PIF1: variants seen among roughly 807,000 people sequenced by gnomAD.
PIF1 encodes the protein ATP-dependent DNA helicase PIF1.
PIF1 carries 67 observed loss-of-function variants against 62.3 expected under a neutral mutation model. The observed-to-expected ratio is 1.08, with a 90% CI of 0.88 to 1.32. The LOEUF (loss-of-function observed/expected upper bound fraction) is 1.32. Ranked by LOEUF, PIF1 falls within the 40% of genes most tolerant of loss-of-function variation. The pLI is 0.00. For synonymous variants in PIF1, 364 were observed against 379.5 expected, an observed-to-expected ratio of 0.96 and a Z score of 0.47; for missense variants, 886 against 866.1, an observed-to-expected ratio of 1.02 and a Z score of -0.29.
upstream of PIF1, among the ~76,000 whole-genome samples, chr15:64,827,034 G>T (rs1217892528): frequency 6.6e-6 from 1 of 152,118 alleles, no homozygotes; most frequent in Non-Finnish European, 1.5e-5. Flanking sequence ...ACTGCTCCCA[G>T]TCTGTTAGCG....
chr15:64,817,991 C>A lies in PIF1; in HGVS notation c.1629G>T (p.Gln543His), dbSNP rs776659270. The change falls in exon 11 of 13, where the codon CAG (glutamine) becomes CAT (histidine). Residue 543 changes from glutamine (Q) to histidine (H), a missense_variant. By Grantham distance (24) the Gln-to-His change is conservative. Transcript: ENST00000559239. The part of the protein sequence containing the change: ...ATGGQLLSRQ[Q>H]LPLQLAWAMS... ...TCGCCCAGGCCAGCTGGAGGGGCAG[C>A]TGCTGCCGACTGAGGAGCTGGCCCC... is the stretch of plus-strand genomic sequence containing the variant. The A allele has an allele frequency of 2.5e-6, 4 of 1,613,172 alleles. No individual in the cohort carries two copies. Among genetic ancestry groups the A allele is most frequent in the African/African-American group, 2.7e-5 (2 of 75,042 alleles).
chr15:64,823,929 C>A lies in PIF1; in HGVS notation c.407G>T (p.Arg136Leu), dbSNP rs1367363725. Residue 136 changes from arginine (R) to leucine (L), a missense_variant, in exon 2 of 13, where the codon CGA (arginine) becomes CTA (leucine). By Grantham distance (102) the Arg-to-Leu change is moderately radical. Coordinates refer to ENST00000559239, the MANE Select transcript of PIF1 (RefSeq NM_001286496.2). ...GGGCCGCGGGCCCAGCAGCTGCGCTCGGGCGGAGGCCGGCCCGGGACCCGG... is the reference window on the plus strand; with the variant it reads ...GGGCCGCGGGCCCAGCAGCTGCGCTAGGGCGGAGGCCGGCCCGGGACCCGG... Reference protein sequence around the residue: ...AAPGPGPASARAQLLGPRPRD... With the variant: ...AAPGPGPASALAQLLGPRPRD... 2 of 1,319,736 alleles carry A rather than the reference C, an allele frequency of 1.5e-6. No homozygotes were observed. Among genetic ancestry groups the A allele is most frequent in the Non-Finnish European group, 1.9e-6 (2 of 1,028,718 alleles). The allele number at this position is 1,319,736 out of a possible 1,614,324, so 81.8% of individuals were successfully genotyped here. A position where few individuals can be genotyped will look rare whatever the true frequency, so the allele number is the denominator to read the frequency against.
At chr15:64,817,882 T>C (rs1419184654) in intron 11 of PIF1, 64 bp downstream of exon 11, 1 of 1,534,318 alleles carries the variant, frequency 6.5e-7, no homozygotes, top group Non-Finnish European at 8.8e-7. Flanking sequence ...AAAAGACACA[T>C]AGACTGCAAC....
At chr15:64,821,895 A>C in intron 4 of PIF1, 1 of 282,920 alleles carries the variant, frequency 3.5e-6, no homozygotes, top group Middle Eastern at 1.1e-3. Context: ...GCTTGCCACC[A>C]TGCCTGGCTA....
At chr15:64,822,748 C>A in intron 2 of PIF1, 138 bp from the exon 3 acceptor site, 1 of 1,318,460 alleles carries the variant, frequency 7.6e-7, no homozygotes. Flanking sequence ...CTTGGGTTTG[C>A]CTGGAGAGCT....
At position 64,822,345 on chromosome 15, in the gene PIF1, G is replaced by A. The variant is rs1003098786; in HGVS notation, c.738C>T (p.Pro246=). ...YLLKRILGSL[P]PTGTVATAST... Reference sequence around the variant, plus strand: ...TGGCAGTGGCCACAGTGCCTGTGGGGGGCAGTGAGCCCAGGATTCGCTTTA... The same window carrying A: ...TGGCAGTGGCCACAGTGCCTGTGGGAGGCAGTGAGCCCAGGATTCGCTTTA... Residue 246 remains proline, a synonymous_variant, in exon 4 of 13, where the codon CCC becomes CCT. Coordinates refer to ENST00000559239, the MANE Select transcript of PIF1 (RefSeq NM_001286496.2). 1 of 1,614,058 alleles carries A rather than the reference G, an allele frequency of 6.2e-7. No homozygotes were observed.
At chr15:64,818,740 A>G in intron 9 of PIF1, 1 of 295,844 alleles carries the variant, frequency 3.4e-6, no homozygotes, top group East Asian at 8.0e-5. Flanking sequence ...TGGGTGCCCT[A>G]AGGAAAATCT....
chr15:64,818,099 G>A lies in PIF1; in HGVS notation c.1529-8C>T, dbSNP rs971586404. 5.6e-6 allele frequency: 9 copies of A among 1,613,570 alleles called. No homozygotes were observed. The highest frequency in any genetic ancestry group is 7.6e-6 in the Non-Finnish European group (9 of 1,179,850). ...ACCGCACCTGGGGTAGCCCTAAGGA[G>A]AGCATGGAGCAGTCCAACTTTAGCT... On this transcript the variant is annotated splice_region_variant and splice_polypyrimidine_tract_variant and intron_variant, in intron 10 of 12. Coordinates refer to ENST00000559239, the MANE Select transcript of PIF1 (RefSeq NM_001286496.2).
Position 64,817,936 on chromosome 15 carries a change from C to T in PIF1, c.1674+10G>A, listed in dbSNP as rs376626129. The T allele has an allele frequency of 2.6e-5, 42 of 1,606,508 alleles. No individual in the cohort carries two copies. The highest frequency in any genetic ancestry group is 6.7e-5 in the East Asian group (3 of 44,766). The stretch of plus-strand genomic sequence containing the variant: ...CCCTCCCTGTCCCTGCCCCCCACAC[C>T]GGTGCTCACTTGGCTCTTGTGGATG... On this transcript the variant is annotated intron_variant, in intron 11 of 12. Transcript: ENST00000559239.
intron 11 of PIF1, 147 bp from the exon 12 acceptor site, chr15:64,816,912 G>C: frequency 1.4e-6 from 1 of 712,116 alleles, no homozygotes; most frequent in Non-Finnish European, 2.2e-6. Flanking sequence ...CATGACAGCA[G>C]GTGGCTGTCT....
At position 64,819,966 on chromosome 15, in the gene PIF1, C is replaced by G; in HGVS notation, c.1214G>C (p.Arg405Pro). The G allele has an allele frequency of 6.2e-7, 1 of 1,613,838 alleles. No homozygotes were observed. Among genetic ancestry groups the G allele is most frequent in the Non-Finnish European group, 8.5e-7 (1 of 1,179,884 alleles). ...RLGRCSDEVT[R>P]QLQATASHKV... is the part of the protein sequence containing the mutation. ...GTGGGAAGCTGTGGCCTGGAGCTGG[C>G]GGGTCACCTCATCTGAACACCTGTT... is the stretch of plus-strand genomic sequence containing the variant. Residue 405 changes from arginine (R) to proline (P), a missense_variant, in exon 8 of 13, where the codon CGC (arginine) becomes CCC (proline). Transcript: ENST00000559239.
Position 64,818,013 on chromosome 15 carries a change from C to T in PIF1, c.1607G>A (p.Gly536Asp), listed in dbSNP as rs1463582096. 5.0e-6 allele frequency: 8 copies of T among 1,613,036 alleles called. No homozygotes were observed. The South Asian group carries it at 5.5e-5, about 11-fold the overall frequency. Residue 536 changes from glycine (G) to aspartate (D), a missense_variant, in exon 11 of 13, where the codon GGC (glycine) becomes GAC (aspartate). Transcript: ENST00000559239. ...CAGCTGCTGCCGACTGAGGAGCTGGCCCCCGGTGGCCTGCACCGTCCAGCG... is the reference window on the plus strand; with the variant it reads ...CAGCTGCTGCCGACTGAGGAGCTGGTCCCCGGTGGCCTGCACCGTCCAGCG... Reference protein sequence around the residue: ...ADRWTVQATGGQLLSRQQLPL... With the variant: ...ADRWTVQATGDQLLSRQQLPL...
intron 7 of PIF1, among the ~76,000 whole-genome samples, 198 bp from the exon 8 acceptor site, chr15:64,820,184 G>A (rs1454934023): frequency 1.3e-5 from 2 of 152,178 alleles, no homozygotes; most frequent in Non-Finnish European, 2.9e-5. Flanking sequence ...AATAAGCAGG[G>A]GCAGGGTACT....
chr15:64,823,934 G>T lies in PIF1; in HGVS notation c.402C>A (p.Ser134=). Residue 134 remains serine (S), a synonymous_variant, in exon 2 of 13, where the codon TCC becomes TCA. Transcript: ENST00000559239. ...GCGGGCCCAGCAGCTGCGCTCGGGC[G>T]GAGGCCGGCCCGGGACCCGGGGCCG... is the stretch of plus-strand genomic sequence containing the variant. ...LAAAPGPGPA[S]ARAQLLGPRP... 1 of 1,317,998 alleles carries T rather than the reference G, an allele frequency of 7.6e-7. No homozygotes were observed. The highest frequency in any genetic ancestry group is 3.0e-5 in the East Asian group (1 of 33,068). The allele number at this position is 1,317,998 out of a possible 1,614,324, so 81.6% of individuals were successfully genotyped here. A position where few individuals can be genotyped will look rare whatever the true frequency, so the allele number is the denominator to read the frequency against.
In PIF1 at chr15:64,818,084, G is replaced by T; in HGVS notation, c.1536C>A (p.Pro512=). Reference sequence around the variant, plus strand: ...TGACTCCACACAGGAACCGCACCTGGGGTAGCCCTAAGGAGAGCATGGAGC... The same window carrying T: ...TGACTCCACACAGGAACCGCACCTGTGGTAGCCCTAAGGAGAGCATGGAGC... ...VGFEAEGRGL[P]QVRFLCGVTE... Residue 512 remains proline, a synonymous_variant, in exon 11 of 13, where the codon CCC becomes CCA. Coordinates refer to ENST00000559239, the MANE Select transcript of PIF1 (RefSeq NM_001286496.2). 6.2e-7 allele frequency: 1 copy of T among 1,613,862 alleles called. No homozygotes were observed. Among genetic ancestry groups the T allele is most frequent in the Non-Finnish European group, 8.5e-7 (1 of 1,179,928 alleles).
chr15:64,819,162 G>A lies in PIF1; in HGVS notation c.1395C>T (p.Ala465=). 6.2e-7 allele frequency: 1 copy of A among 1,600,510 alleles called. No individual in the cohort carries two copies. The highest frequency in any genetic ancestry group is 8.5e-7 in the Non-Finnish European group (1 of 1,176,226). Residue 465 remains alanine, a synonymous_variant, in exon 9 of 13, where the codon GCC becomes GCT. Transcript: ENST00000559239. Reference sequence around the variant, plus strand: ...GAAGGAGCTGGCTAACAGGACACTGGGCATCCAGGGTACTGGCCAGCTCAG... The same window carrying A: ...GAAGGAGCTGGCTAACAGGACACTGAGCATCCAGGGTACTGGCCAGCTCAG... ...SNPELASTLD[A]QCPVSQLLQL...
intron 9 of PIF1, 32 bp downstream of exon 9, chr15:64,819,085 C>T (rs538534666): frequency 2.2e-5 from 33 of 1,521,014 alleles, no homozygotes; most frequent in East Asian, 4.8e-5. Context: ...ACAGCCCAAG[C>T]TCCCAGGGGC....
intron 9 of PIF1, 54 bp downstream of exon 9, chr15:64,819,063 G>T: frequency 7.3e-7 from 1 of 1,362,220 alleles, no homozygotes; most frequent in Non-Finnish European, 9.9e-7. Context: ...GGATCAGCAA[G>T]GCCCATGCGG....
In PIF1 at chr15:64,824,167, G is replaced by A; in HGVS notation, c.169C>T (p.Leu57=). Residue 57 remains leucine (L), a synonymous_variant, in exon 2 of 13, where the codon CTG becomes TTG. Transcript: ENST00000559239. ...RNERRELMLR[L]QAPGPAGRPR... The stretch of plus-strand genomic sequence containing the variant: ...CGCCCCGCGGGCCCTGGCGCTTGCA[G>A]CCGCAGCATCAACTCGCGGCGCTCG... 1 of 1,321,496 alleles carries A rather than the reference G, an allele frequency of 7.6e-7. No individual in the cohort carries two copies. 81.9% of individuals were successfully genotyped at this position (1,321,496 alleles called of 1,614,324 possible).
Sources: gnomAD v4.1 joint callset for allele counts (sites outside exome capture counted in the v4.1 genomes callset) on GRCh38, gnomAD v4.1.1 for gene constraint, MANE v1.5 for transcripts, NCBI Gene and HGNC (gene_info 2026-07-23, HGNC 2026-07-21) for gene names.